The following SLC45A4 variants were observed in gnomAD, a reference collection of about 807,000 sequenced individuals.
SLC45A4 encodes the protein polyamine-transporter SLC45A4.
Under a neutral mutation model 63.7 loss-of-function variants are expected in SLC45A4, and 32 were observed. The observed-to-expected ratio is 0.50, with a 90% CI of 0.38 to 0.67. The LOEUF is 0.67. Among genes scored for constraint, SLC45A4 ranks in the 30% least tolerant of loss-of-function variants. The pLI, the probability that SLC45A4 is intolerant of heterozygous loss-of-function variation, is 0.00. For synonymous variants in SLC45A4, 535 were observed against 510.0 expected (o/e 1.05, Z -0.66); for missense variants, 1,027 against 1,157.7 (o/e 0.89, Z 1.64).
intron 2 of SLC45A4, among the ~76,000 whole-genome samples, chr8:141,247,932 C>A (rs766645838): frequency 1.1e-4 from 16 of 152,344 alleles, no homozygotes. Flanking sequence ...GCTGGAACAA[C>A]TCAATTTCCA....
intron 1 of SLC45A4, among the ~76,000 whole-genome samples, chr8:141,288,493 G>C (rs892665797): frequency 1.3e-5 from 2 of 152,236 alleles, no homozygotes; most frequent in African/African-American, 4.8e-5. Flanking sequence ...ACCACGCCTG[G>C]TTGGACCGCT....
chr8:141,218,984 G>A lies in SLC45A4; in HGVS notation c.656C>T (p.Thr219Ile), dbSNP rs1329860731. 2 of 1,613,336 alleles carry A rather than the reference G, an allele frequency of 1.2e-6. No individual in the cohort carries two copies. The highest frequency in any genetic ancestry group is 1.7e-6 in the Non-Finnish European group (2 of 1,179,904). ...GAACCAGCTGCCCAGGAAGGTCTGG[G>A]TCCAGTCCAGCCCACCCAGCACGTA... ...IGYVLGGLDWTQTFLGSWFRT... is the reference protein window; with the variant it reads ...IGYVLGGLDWIQTFLGSWFRT... The change falls in exon 5 of 9, where the codon ACC becomes ATC. Residue 219 changes from threonine to isoleucine, a missense_variant. Coordinates refer to ENST00000517878, the MANE Select transcript of SLC45A4 (RefSeq NM_001286646.2).
At chr8:141,255,446 TG>T (rs1405817736) in intron 1 of SLC45A4, among the ~76,000 whole-genome samples, 2 of 152,226 alleles carry the variant, frequency 1.3e-5, no homozygotes, top group African/African-American at 4.8e-5. Context: ...CTGGGCACGG[TG>T]GCTTAAGTCT....
At chr8:141,231,642 C>T (rs1375823550) in intron 2 of SLC45A4, among the ~76,000 whole-genome samples, 1 of 152,220 alleles carries the variant, frequency 6.6e-6, no homozygotes, top group East Asian at 1.9e-4. Context: ...ACAAAGAACC[C>T]TCGAGCCAAG....
chr8:141,212,144 C>A, intron 8 of SLC45A4, 53 bp downstream of exon 8: 2 of 855,276 alleles, frequency 2.3e-6, no homozygotes, highest in South Asian at 5.5e-5. Flanking sequence ...CGCCGCCCGC[C>A]CGCCCGCCCA....
intron 2 of SLC45A4, among the ~76,000 whole-genome samples, chr8:141,251,279 G>A (rs538753154): frequency 5.9e-5 from 9 of 152,108 alleles, no homozygotes; most frequent in Non-Finnish European, 1.3e-4. Context: ...AGGTCTAGTC[G>A]CGAAAGTGGT....
chr8:141,247,441 C>T (rs767381799), intron 2 of SLC45A4, among the ~76,000 whole-genome samples: 22 of 152,188 alleles, frequency 1.4e-4, no homozygotes, highest in African/African-American at 2.9e-4. Flanking sequence ...GTTCATGGAT[C>T]GAAGGACTCG....
Position 141,212,306 on chromosome 8 carries a change from G to C in SLC45A4, c.2192C>G (p.Ser731Cys). ...CCTGCCTTCGCCGGCCAACGGGGAA[G>C]ACAGGCCTTTCTGCTCCTCCTTGGC... ...EEAKEEQKGL[S>C]SPLAGEGRAG... Residue 731 changes from serine to cysteine, a missense_variant, in exon 8 of 9, where the codon TCT becomes TGT. Coordinates refer to ENST00000517878, the MANE Select transcript of SLC45A4 (RefSeq NM_001286646.2). 6.2e-7 allele frequency: 1 copy of C among 1,610,602 alleles called. No homozygotes were observed. Among genetic ancestry groups the C allele is most frequent in the Non-Finnish European group, 8.5e-7 (1 of 1,177,766 alleles).
chr8:141,304,202 G>GGATC (rs1370635032), intron 1 of SLC45A4, among the ~76,000 whole-genome samples: 1 of 152,054 alleles, frequency 6.6e-6, no homozygotes, highest in Non-Finnish European at 1.5e-5. Context: ...TGGGGCAGGA[G>GGATC]GATCACTTGA....
chr8:141,296,094 G>T (rs1830539282), intron 1 of SLC45A4, among the ~76,000 whole-genome samples: 1 of 152,192 alleles, frequency 6.6e-6, no homozygotes, highest in Non-Finnish European at 1.5e-5. Context: ...ACTTTGGGAG[G>T]CTGTGGTGGG....
intron 1 of SLC45A4, among the ~76,000 whole-genome samples, chr8:141,270,887 G>A (rs1049176771): frequency 6.6e-6 from 1 of 152,144 alleles, no homozygotes; most frequent in Non-Finnish European, 1.5e-5. Context: ...AGTCAGTCAC[G>A]TGCTTGTGTC....
intron 1 of SLC45A4, among the ~76,000 whole-genome samples, chr8:141,292,484 A>G (rs1830385914): frequency 6.6e-6 from 1 of 152,234 alleles, no homozygotes; most frequent in African/African-American, 2.4e-5. Context: ...CCAAGCACAC[A>G]GGCTCCTCGG....
chr8:141,265,855 G>A (rs900684077), intron 1 of SLC45A4, among the ~76,000 whole-genome samples: 4 of 152,182 alleles, frequency 2.6e-5, no homozygotes, highest in South Asian at 2.1e-4. Context: ...AGCGACTGTC[G>A]GGGCATTCGG....
chr8:141,283,859 C>T lies in SLC45A4; in HGVS notation c.-401+24237G>A, dbSNP rs547568621. The stretch of plus-strand genomic sequence containing the variant: ...AAACAGAAAACTCCCAGAACCAGCA[C>T]GTTACAAAGCACTTAGGGACATCAA... On this transcript the variant is annotated intron_variant, in intron 1 of 8. Coordinates refer to ENST00000517878, the MANE Select transcript of SLC45A4 (RefSeq NM_001286646.2). 1.2e-4 allele frequency among the ~76,000 whole-genome samples: 19 copies of T among 152,250 alleles called. No homozygotes were observed. The East Asian group carries it at 1.7e-3, about 14-fold the overall frequency.
intron 1 of SLC45A4, among the ~76,000 whole-genome samples, chr8:141,287,147 A>G (rs772369450): frequency 4.6e-5 from 7 of 152,142 alleles, no homozygotes; most frequent in Non-Finnish European, 8.8e-5. Context: ...CTACAACTGA[A>G]AACCACACAC....
At chr8:141,224,657 G>A (rs1826865940) in intron 2 of SLC45A4, 1 of 152,328 alleles carries the variant, frequency 6.6e-6, no homozygotes, top group Non-Finnish European at 1.5e-5. Context: ...TTGCCATGCT[G>A]GCCAGGCTGG....
intron 1 of SLC45A4, among the ~76,000 whole-genome samples, chr8:141,284,971 G>C (rs1830084293): frequency 6.7e-6 from 1 of 149,754 alleles, no homozygotes; most frequent in African/African-American, 2.5e-5. Context: ...GACTCCCTGG[G>C]GCCTCGGCCC....
chr8:141,269,464 C>G (rs1023029219), intron 1 of SLC45A4, among the ~76,000 whole-genome samples: 16 of 147,182 alleles, frequency 1.1e-4, no homozygotes, highest in African/African-American at 3.0e-4. Flanking sequence ...GCCTATGTGT[C>G]TGTGTGTGTG....
intron 1 of SLC45A4, among the ~76,000 whole-genome samples, chr8:141,255,954 A>G (rs1231518013): frequency 6.6e-6 from 1 of 152,104 alleles, no homozygotes; most frequent in African/African-American, 2.4e-5. Context: ...AACTCTGACT[A>G]TAGTACCTAG....
Sources: allele counts gnomAD v4.1 joint callset (sites outside exome capture counted in the v4.1 genomes callset), GRCh38; gene constraint gnomAD v4.1.1; transcripts MANE v1.5; gene names NCBI Gene and HGNC (gene_info 2026-07-23, HGNC 2026-07-21).